TM9SF4: variants seen among roughly 807,000 people sequenced by gnomAD.
TM9SF4 encodes the protein transmembrane 9 superfamily member 4.
Under a neutral mutation model 90.4 loss-of-function variants are expected in TM9SF4, and 26 were observed. That is an observed-to-expected ratio of 0.29 (90% CI 0.21 to 0.40). The LOEUF (loss-of-function observed/expected upper bound fraction) is 0.40. Ranked by LOEUF, TM9SF4 falls within the 10% of genes least tolerant of loss-of-function variation. The probability of loss-of-function intolerance (pLI) is 1.00; values close to 1 mark genes in which losing one functional copy is unlikely to be tolerated. For missense variants in TM9SF4, 549 were observed against 834.8 expected (o/e 0.66, Z 4.22); for synonymous variants, 293 against 315.4 (o/e 0.93, Z 0.75).
At chr20:32,121,010 T>C (rs184375631) in intron 1 of TM9SF4, among the ~76,000 whole-genome samples, 47 of 152,276 alleles carry the variant, frequency 3.1e-4, no homozygotes, top group African/African-American at 1.1e-3. Context: ...CTAGATTCAA[T>C]TTTCTAATAT....
chr20:32,165,195 G>A, intron 17 of TM9SF4, 100 bp from the exon 18 acceptor site: 1 of 1,526,436 alleles, frequency 6.6e-7, no homozygotes, highest in South Asian at 1.2e-5. Context: ...CCCTGGCCAG[G>A]CCTCAGTTTC....
At chr20:32,119,852 T>C (rs1187828254) in intron 1 of TM9SF4, among the ~76,000 whole-genome samples, 1 of 152,196 alleles carries the variant, frequency 6.6e-6, no homozygotes, top group African/African-American at 2.4e-5. Context: ...TGTGTGTATG[T>C]TCTGAGGTTC....
At chr20:32,144,890 G>A (rs990611475) in intron 6 of TM9SF4, among the ~76,000 whole-genome samples, 4 of 152,066 alleles carry the variant, frequency 2.6e-5, no homozygotes. Context: ...GCGTGACAGG[G>A]CAAAACTCTA....
intron 17 of TM9SF4, among the ~76,000 whole-genome samples, chr20:32,162,608 G>A (rs888209492): frequency 6.6e-6 from 1 of 152,148 alleles, no homozygotes; most frequent in Non-Finnish European, 1.5e-5. Flanking sequence ...GTAAAAGATT[G>A]CAGACCCCTG....
chr20:32,129,220 G>A (rs973204316), intron 1 of TM9SF4, among the ~76,000 whole-genome samples: 1 of 152,152 alleles, frequency 6.6e-6, no homozygotes, highest in Non-Finnish European at 1.5e-5. Context: ...TCGGCCAGGT[G>A]CAGTGACTCA....
At chr20:32,119,655 G>GTAAA (rs2046276693) in intron 1 of TM9SF4, among the ~76,000 whole-genome samples, 1 of 151,942 alleles carries the variant, frequency 6.6e-6, no homozygotes, top group Admixed American at 6.6e-5. Context: ...CTTTGGAAGT[G>GTAAA]TAAAAGTTTT....
chr20:32,156,767 C>T (rs1036955498), intron 13 of TM9SF4, among the ~76,000 whole-genome samples: 5 of 151,550 alleles, frequency 3.3e-5, no homozygotes, highest in African/African-American at 4.9e-5. Context: ...CCACCACACT[C>T]GGCAATTAAA....
In TM9SF4 at chr20:32,146,787, A is replaced by G. The variant is rs1251802045; in HGVS notation, c.886A>G (p.Ile296Val). 1 of 1,614,118 alleles carries G rather than the reference A, an allele frequency of 6.2e-7. No individual in the cohort carries two copies. Among genetic ancestry groups the G allele is most frequent in the Non-Finnish European group, 8.5e-7 (1 of 1,180,010 alleles). ...SVVVVFFLSG[I>V]LSMIIIRTLR... ...ATCCTCACCGCCATCTATTTCAGGTATCCTGAGCATGATTATCATTCGGAC... is the reference window on the plus strand; with the variant it reads ...ATCCTCACCGCCATCTATTTCAGGTGTCCTGAGCATGATTATCATTCGGAC... Residue 296 changes from isoleucine to valine, a missense_variant and splice_region_variant, in exon 9 of 18, where the codon ATC becomes GTC. By Grantham distance (29) the Ile-to-Val change is conservative. Coordinates refer to ENST00000398022, the MANE Select transcript of TM9SF4 (RefSeq NM_014742.4).
At chr20:32,121,484 A>G (rs1401077491) in intron 1 of TM9SF4, among the ~76,000 whole-genome samples, 1 of 151,994 alleles carries the variant, frequency 6.6e-6, no homozygotes, top group Non-Finnish European at 1.5e-5. Flanking sequence ...CTCTGAGTGG[A>G]CACAGCACAT....
Position 32,122,167 on chromosome 20 carries a change from C to A in TM9SF4, c.16-10846C>A, listed in dbSNP as rs1234897194. Among the ~76,000 whole-genome samples the A allele has an allele frequency of 2.2e-4, 31 of 142,918 alleles. 1 individual carries two copies. Among genetic ancestry groups the A allele is most frequent in the African/African-American group, 8.2e-4 (31 of 37,738 alleles). The allele number at this position is 142,918 out of a possible 152,430, so 93.8% of individuals were successfully genotyped here. A position where few individuals can be genotyped will look rare whatever the true frequency, so the allele number is the denominator to read the frequency against. On this transcript the variant is annotated intron_variant, in intron 1 of 17. Transcript: ENST00000398022. ...GGCCGGGCGGGGGGGGTGACCCCCC[C>A]ACCTCCCTCCCGGACGGGGCGGCTG...
At chr20:32,149,804 C>G (rs756602432) in intron 10 of TM9SF4, 38 bp downstream of exon 10, 2 of 1,608,664 alleles carry the variant, frequency 1.2e-6, no homozygotes, top group Non-Finnish European at 1.7e-6. Context: ...GGGGGCATGG[C>G]TTCCTCTTCC....
chr20:32,133,061 A>G lies in TM9SF4; in HGVS notation c.64A>G (p.Ser22Gly). 1 of 1,614,136 alleles carries G rather than the reference A, an allele frequency of 6.2e-7. No homozygotes were observed. Among genetic ancestry groups the G allele is most frequent in the Non-Finnish European group, 8.5e-7 (1 of 1,180,022 alleles). Residue 22 changes from serine to glycine, a missense_variant, in exon 2 of 18, where the codon AGC becomes GGC. By Grantham distance (56) the Ser-to-Gly change is moderately conservative. Transcript: ENST00000398022. ...LLLFSLMCET[S>G]AFYVPGVAPI... ...GCTTTTCTCCCTGATGTGTGAAACA[A>G]GCGCCTTCTATGTGCCTGGGGTCGC...
chr20:32,133,000 C>G lies in TM9SF4; in HGVS notation c.16-13C>G, dbSNP rs781532624. 2 of 1,612,292 alleles carry G rather than the reference C, an allele frequency of 1.2e-6. No individual in the cohort carries two copies. Among genetic ancestry groups the G allele is most frequent in the South Asian group, 1.1e-5 (1 of 91,006 alleles). ...CTTCTCCCCAATCCAACCCTGGCCT[C>G]TCTTCTGAGCAGGATTGGTTGCCGT... On this transcript the variant is annotated splice_polypyrimidine_tract_variant and intron_variant, in intron 1 of 17. Coordinates refer to ENST00000398022, the MANE Select transcript of TM9SF4 (RefSeq NM_014742.4).
chr20:32,146,897 G>A (rs1407329921), intron 9 of TM9SF4, 42 bp downstream of exon 9: 4 of 1,584,130 alleles, frequency 2.5e-6, no homozygotes, highest in Non-Finnish European at 3.5e-6. Flanking sequence ...TGGATGGGGA[G>A]GGGAGGAGGA....
At chr20:32,161,897 A>G (rs2047024133) in intron 17 of TM9SF4, among the ~76,000 whole-genome samples, 1 of 152,180 alleles carries the variant, frequency 6.6e-6, no homozygotes, top group Admixed American at 6.5e-5. Flanking sequence ...AGAGGATGGG[A>G]AAGTTTTTCA....
chr20:32,128,371 A>AGGG (rs1384148401), intron 1 of TM9SF4, among the ~76,000 whole-genome samples: 2 of 152,224 alleles, frequency 1.3e-5, no homozygotes, highest in African/African-American at 4.8e-5. Flanking sequence ...AGTGCTGCTT[A>AGGG]AACTTTAACT....
chr20:32,109,830 A>C, intron 1 of TM9SF4, 75 bp downstream of exon 1: 1 of 1,549,340 alleles, frequency 6.5e-7, no homozygotes, highest in Non-Finnish European at 8.7e-7. Flanking sequence ...CCAGCACCCC[A>C]TGCCTGGCCC....
At chr20:32,149,825 A>G (rs955682550) in intron 10 of TM9SF4, 59 bp downstream of exon 10, 17 of 1,599,574 alleles carry the variant, frequency 1.1e-5, no homozygotes, top group Non-Finnish European at 9.4e-6. Flanking sequence ...AGGTGCCTCA[A>G]GGAGAGAAGG....
chr20:32,150,656 C>T lies in TM9SF4; in HGVS notation c.1122C>T (p.Ser374=). 6.2e-7 allele frequency: 1 copy of T among 1,614,266 alleles called. No homozygotes were observed. Among genetic ancestry groups the T allele is most frequent in the East Asian group, 2.2e-5 (1 of 44,886 alleles). ...VAMLGMLSPS[S]RGALMTTACF... ...TGCTTGGGATGCTGTCGCCCTCCAG[C>T]CGGGGAGCTCTCATGACCACAGCCT... The change falls in exon 11 of 18, where the codon AGC becomes AGT. Residue 374 remains serine (S), a synonymous_variant. Transcript: ENST00000398022.
Sources: allele counts gnomAD v4.1 joint callset (sites outside exome capture counted in the v4.1 genomes callset), GRCh38; gene constraint gnomAD v4.1.1; transcripts MANE v1.5; gene names NCBI Gene and HGNC (gene_info 2026-07-23, HGNC 2026-07-21).